The following GPC5 variants were observed in gnomAD, a reference collection of about 807,000 sequenced individuals.
GPC5 encodes glypican 5, also known as glypican-5.
A neutral mutation model predicts 53.9 loss-of-function variants in GPC5; 47 were observed. The ratio of observed to expected loss-of-function variants is 0.87; its 90% CI spans 0.69 to 1.11. GPC5 has a LOEUF of 1.11. Among genes scored for constraint, GPC5 ranks in the 50% most tolerant of loss-of-function variants. The pLI is 0.00. For missense variants in GPC5, 748 were observed against 713.1 expected (o/e 1.05, Z -0.56); for synonymous variants, 286 against 263.3 (o/e 1.09, Z -0.84).
chr13:92,456,058 C>T (rs1057225578), intron 7 of GPC5, among the ~76,000 whole-genome samples: 9 of 152,158 alleles, frequency 5.9e-5, no homozygotes, highest in Non-Finnish European at 1.3e-4. Flanking sequence ...ATTTTAATTG[C>T]TTTAAAAAGG....
intron 2 of GPC5, among the ~76,000 whole-genome samples, chr13:91,670,930 A>G (rs1407521572): frequency 6.6e-6 from 1 of 152,224 alleles, no homozygotes. Context: ...CTATAGCAAA[A>G]GGATGCAGAA....
intron 7 of GPC5, among the ~76,000 whole-genome samples, chr13:92,229,163 T>A (rs996513497): frequency 6.6e-6 from 1 of 152,024 alleles, no homozygotes; most frequent in Non-Finnish European, 1.5e-5. Context: ...AAAGGGGAAG[T>A]GTTAAAGATG....
rs563794696 is a variant in GPC5, at chr13:92,353,266, C to CAAAAAA, written c.1561+208290_1561+208295dup. Among the ~76,000 whole-genome samples the CAAAAAA allele has an allele frequency of 9.4e-4, 63 of 66,758 alleles. 1 individual carries two copies. The highest frequency in any genetic ancestry group is 1.4e-3 in the African/African-American group (24 of 16,868). 43.8% of individuals were successfully genotyped at this position (66,758 alleles called of 152,430 possible). ...TGGGCGACAGAGCGAGACTCCGTCT[C>CAAAAAA]AAAAAAAAAAAAAAAAAAGAAATGT... On this transcript the variant is annotated intron_variant, in intron 7 of 7. Transcript: ENST00000377067.
At chr13:91,423,603 G>C (rs979146089) in intron 1 of GPC5, among the ~76,000 whole-genome samples, 28 of 152,158 alleles carry the variant, frequency 1.8e-4, no homozygotes, top group Admixed American at 1.3e-3. Context: ...TGTGGAAAGA[G>C]AGAATGTTGG....
At chr13:92,279,817 A>G (rs1566516575) in intron 7 of GPC5, among the ~76,000 whole-genome samples, 1 of 152,046 alleles carries the variant, frequency 6.6e-6, no homozygotes, top group East Asian at 1.9e-4. Context: ...TTGGTTTTCA[A>G]GTATTTTGTT....
intron 7 of GPC5, among the ~76,000 whole-genome samples, chr13:92,326,323 C>G (rs74110206): frequency 0.029 from 4,334 of 152,054 alleles, 215 homozygotes; most frequent in African/African-American, 0.1. Context: ...TCTCCTCTCC[C>G]ACTAAAACTT....
Position 91,918,539 on chromosome 13 carries a change from T to C in GPC5, c.1401+10482T>C, listed in dbSNP as rs563010863. ...TTTTTGATATCCCAATGTCTGCAAG[T>C]TTATCAGTTTTGCTCTTTTTAATTC... On this transcript the variant is annotated intron_variant, in intron 6 of 7. Transcript: ENST00000377067. Among the ~76,000 whole-genome samples, 87 of 152,318 alleles carry C rather than the reference T, an allele frequency of 5.7e-4. 1 individual carries two copies. The highest frequency in any genetic ancestry group is 1.8e-3 in the African/African-American group (73 of 41,584).
intron 6 of GPC5, among the ~76,000 whole-genome samples, chr13:91,948,274 T>C (rs1381115779): frequency 1.3e-5 from 2 of 150,518 alleles, no homozygotes; most frequent in Non-Finnish European, 3.0e-5. Flanking sequence ...TAAATAAATA[T>C]ACTTATAATG....
At chr13:91,571,869 ATATATACACACATATACGTGTG>A (rs2031842774) in intron 2 of GPC5, among the ~76,000 whole-genome samples, 1 of 75,174 alleles carries the variant, frequency 1.3e-5, no homozygotes, top group African/African-American at 6.4e-5. Context: ...ACGTGTGTGT[ATATATACACACATATACGTGTG>A]TATATACACA....
intron 1 of GPC5, among the ~76,000 whole-genome samples, chr13:91,433,793 T>C (rs1021906561): frequency 1.4e-4 from 22 of 152,162 alleles, no homozygotes; most frequent in Non-Finnish European, 1.3e-4. Context: ...TCCACGATGG[T>C]TGAACTAGTT....
At chr13:91,489,866 T>G (rs1883836894) in intron 2 of GPC5, among the ~76,000 whole-genome samples, 1 of 152,124 alleles carries the variant, frequency 6.6e-6, no homozygotes, top group Non-Finnish European at 1.5e-5. Context: ...AATAAGCAAA[T>G]TAGAAGCATA....
intron 1 of GPC5, among the ~76,000 whole-genome samples, chr13:91,407,511 T>C (rs2138765479): frequency 6.6e-6 from 1 of 152,356 alleles, no homozygotes; most frequent in East Asian, 1.9e-4. Flanking sequence ...AAAATAAAGA[T>C]GAGCAGTTAT....
chr13:92,097,606 G>A (rs909394942), intron 6 of GPC5, among the ~76,000 whole-genome samples: 1 of 152,170 alleles, frequency 6.6e-6, no homozygotes, highest in African/African-American at 2.4e-5. Context: ...AATATCTGTG[G>A]ACAAGCCTTT....
At chr13:92,744,906 A>G (rs1352739742) in intron 7 of GPC5, among the ~76,000 whole-genome samples, 1 of 152,050 alleles carries the variant, frequency 6.6e-6, no homozygotes, top group Non-Finnish European at 1.5e-5. Context: ...GTCCTCATAC[A>G]TGTTGATGAC....
intron 7 of GPC5, among the ~76,000 whole-genome samples, chr13:92,519,524 G>A (rs1417197195): frequency 1.3e-5 from 2 of 152,206 alleles, no homozygotes; most frequent in Non-Finnish European, 2.9e-5. Context: ...GCTCTTGAAT[G>A]ACTACTGGGT....
intron 2 of GPC5, among the ~76,000 whole-genome samples, chr13:91,670,061 T>C (rs891921612): frequency 2.0e-5 from 3 of 152,132 alleles, no homozygotes; most frequent in Non-Finnish European, 4.4e-5. Context: ...TGGCCTTCCG[T>C]GGAGAACTGG....
chr13:92,445,995 G>T (rs1877806202), intron 7 of GPC5, among the ~76,000 whole-genome samples: 2 of 151,466 alleles, frequency 1.3e-5, no homozygotes, highest in South Asian at 2.1e-4. Context: ...TATGTTTATT[G>T]GATATATGAG....
chr13:92,478,826 A>C (rs575983226), intron 7 of GPC5, among the ~76,000 whole-genome samples: 1 of 152,238 alleles, frequency 6.6e-6, no homozygotes, highest in East Asian at 1.9e-4. Flanking sequence ...AGACAAAAAG[A>C]AATCTTATAC....
chr13:92,115,282 G>A (rs2041591425), intron 6 of GPC5, among the ~76,000 whole-genome samples: 1 of 152,200 alleles, frequency 6.6e-6, no homozygotes, highest in Admixed American at 6.5e-5. Flanking sequence ...GCCGAGGTGG[G>A]TAGATTATGA....
Sources: gnomAD v4.1 joint callset for allele counts (sites outside exome capture counted in the v4.1 genomes callset) on GRCh38, gnomAD v4.1.1 for gene constraint, MANE v1.5 for transcripts, NCBI Gene and HGNC (gene_info 2026-07-23, HGNC 2026-07-21) for gene names.